Variants in NTMT2 observed in about 807,000 individuals in gnomAD.
NTMT2 encodes the protein N-terminal Xaa-Pro-Lys N-methyltransferase 2.
In NTMT2, 21 loss-of-function variants were observed where a neutral mutation model predicts 23.4. The ratio of observed to expected loss-of-function variants is 0.90; its 90% CI spans 0.64 to 1.29. NTMT2 has a LOEUF of 1.29. Ranked by LOEUF, NTMT2 falls within the 50% of genes most tolerant of loss-of-function variation. The pLI, the probability that NTMT2 is intolerant of heterozygous loss-of-function variation, is 0.00. For missense variants in NTMT2, 336 were observed against 352.0 expected (o/e 0.95, Z 0.36); for synonymous variants, 131 against 127.7 (o/e 1.03, Z -0.17).
chr1:170,157,046 T>A (rs1296788752), intron 1 of NTMT2, among the ~76,000 whole-genome samples: 1 of 152,142 alleles, frequency 6.6e-6, no homozygotes, highest in African/African-American at 2.4e-5. Flanking sequence ...AGCTGTGAGT[T>A]CCTAGCCTGA....
intron 1 of NTMT2, among the ~76,000 whole-genome samples, chr1:170,152,122 G>T (rs1246784368): frequency 6.6e-6 from 1 of 152,090 alleles, no homozygotes; most frequent in African/African-American, 2.4e-5. Flanking sequence ...GGCCCATCAA[G>T]AAGTTAGCAT....
chr1:170,162,373 A>G (rs901389959), intron 2 of NTMT2, among the ~76,000 whole-genome samples: 12 of 152,220 alleles, frequency 7.9e-5, no homozygotes, highest in African/African-American at 2.4e-4. Context: ...TTCAAATCCA[A>G]TCTTCCTGGA....
intron 1 of NTMT2, among the ~76,000 whole-genome samples, chr1:170,159,970 A>G (rs2102237969): frequency 6.6e-6 from 1 of 152,274 alleles, no homozygotes; most frequent in Admixed American, 6.5e-5. Context: ...TTATTATTTT[A>G]TTTTCACAAT....
At chr1:170,161,968 T>C (rs1315342392) in intron 2 of NTMT2, among the ~76,000 whole-genome samples, 3 of 152,114 alleles carry the variant, frequency 2.0e-5, no homozygotes, top group Admixed American at 6.5e-5. Context: ...TGCGCGCCTG[T>C]AGTCCCAGCT....
intron 2 of NTMT2, among the ~76,000 whole-genome samples, chr1:170,161,323 A>C (rs1381213278): frequency 1.3e-5 from 2 of 152,154 alleles, no homozygotes; most frequent in African/African-American, 4.8e-5. Flanking sequence ...TTAGAAGGAA[A>C]TACATGATTA....
chr1:170,166,002 T>G (rs918531694), intron 2 of NTMT2, among the ~76,000 whole-genome samples: 1 of 152,104 alleles, frequency 6.6e-6, no homozygotes, highest in Non-Finnish European at 1.5e-5. Context: ...TGGTAGTAGG[T>G]GCATGGCTAT....
At chr1:170,167,086 A>G (rs1398058420) in intron 3 of NTMT2, among the ~76,000 whole-genome samples, 1 of 152,222 alleles carries the variant, frequency 6.6e-6, no homozygotes, top group Non-Finnish European at 1.5e-5. Flanking sequence ...ATCCCCATTT[A>G]TTGGCAGAAC....
chr1:170,151,947 T>C (rs1413592496), intron 1 of NTMT2, among the ~76,000 whole-genome samples: 2 of 152,226 alleles, frequency 1.3e-5, no homozygotes, highest in Non-Finnish European at 2.9e-5. Flanking sequence ...TTTTAATTAT[T>C]TGAGTATGCC....
At chr1:170,160,789 A>G in intron 2 of NTMT2, 96 bp downstream of exon 2, 10 of 1,108,516 alleles carry the variant, frequency 9.0e-6, no homozygotes, top group Non-Finnish European at 9.8e-6. Context: ...CGACTAAGCC[A>G]TATGACCCAG....
chr1:170,152,461 T>C (rs1673088458), intron 1 of NTMT2, among the ~76,000 whole-genome samples: 1 of 152,132 alleles, frequency 6.6e-6, no homozygotes, highest in African/African-American at 2.4e-5. Context: ...AGAAAGTAGA[T>C]TGTCTTTCCC....
At chr1:170,166,318 T>C (rs1673384891) in intron 2 of NTMT2, among the ~76,000 whole-genome samples, 184 bp from the exon 3 acceptor site, 1 of 145,606 alleles carries the variant, frequency 6.9e-6, no homozygotes, top group Non-Finnish European at 1.5e-5. Flanking sequence ...TTTTTTTGTA[T>C]TTTTAGTAGA....
At chr1:170,157,348 A>C (rs1371819648) in intron 1 of NTMT2, among the ~76,000 whole-genome samples, 1 of 152,170 alleles carries the variant, frequency 6.6e-6, no homozygotes, top group Non-Finnish European at 1.5e-5. Context: ...TTAAAATAAC[A>C]ATCTATGTAT....
chr1:170,167,733 A>G lies in NTMT2; in HGVS notation c.828A>G (p.Ala276=), dbSNP rs1242878838. ...AGTGCATCCCCGTGTGGATGTTCGC[A>G]CTGCACAGCGACAGACACTCCTGAA... The part of the protein sequence containing the change: ...PEQCIPVWMF[A]LHSDRHS The change falls in exon 4 of 4, where the codon GCA becomes GCG. Residue 276 remains alanine, a synonymous_variant. Transcript: ENST00000439373. 1.3e-6 allele frequency: 2 copies of G among 1,551,226 alleles called. No homozygotes were observed. The highest frequency in any genetic ancestry group is 1.7e-4 in the Middle Eastern group (1 of 5,914).
Position 170,160,694 on chromosome 1 carries a change from G to A in NTMT2, c.330+1G>A. The A allele has an allele frequency of 6.5e-7, 1 of 1,528,752 alleles. No individual in the cohort carries two copies. The highest frequency in any genetic ancestry group is 8.8e-7 in the Non-Finnish European group (1 of 1,139,176). 94.7% of individuals were successfully genotyped at this position (1,528,752 alleles called of 1,614,324 possible). A position where few individuals can be genotyped will look rare whatever the true frequency, so the allele number is the denominator to read the frequency against. ...GAAATTTCTTAGGAAATTTGTTGGGGTGAGTTATTCAACTGCAGCTTGATG... is the reference window on the plus strand; with the variant it reads ...GAAATTTCTTAGGAAATTTGTTGGGATGAGTTATTCAACTGCAGCTTGATG... On this transcript the variant is annotated splice_donor_variant, in intron 2 of 3. Coordinates refer to ENST00000439373, the MANE Select transcript of NTMT2 (RefSeq NM_001136107.2). LOFTEE classifies it high-confidence loss of function.
chr1:170,147,234 A>G (rs1672980768), intron 1 of NTMT2, among the ~76,000 whole-genome samples: 1 of 152,230 alleles, frequency 6.6e-6, no homozygotes, highest in African/African-American at 2.4e-5. Context: ...AAACATACAA[A>G]TACCTTCATC....
At chr1:170,155,675 G>T (rs1052149065) in intron 1 of NTMT2, among the ~76,000 whole-genome samples, 3 of 151,930 alleles carry the variant, frequency 2.0e-5, no homozygotes, top group African/African-American at 7.3e-5. Flanking sequence ...CTGGAATAAA[G>T]AGGCATTTTA....
intron 2 of NTMT2, among the ~76,000 whole-genome samples, chr1:170,166,125 C>CTTTTTTTTTTTTTT (rs1420113193): frequency 8.9e-6 from 1 of 112,562 alleles, no homozygotes; most frequent in Non-Finnish European, 1.7e-5. Context: ...AATTTTCTTT[C>CTTTTTTTTTTTTTT]TTTTTTTTTT....
In NTMT2 at chr1:170,167,787, G is replaced by A; in HGVS notation, c.*30G>A. ...GCAGTGGGAATGAACGACTGGACTG[G>A]GCAGTGGTGCTTTGGGATGGGGTTG... On this transcript the variant is annotated 3_prime_UTR_variant, in exon 4 of 4. Transcript: ENST00000439373. The A allele has an allele frequency of 1.3e-6, 2 of 1,524,146 alleles. No homozygotes were observed. Among genetic ancestry groups the A allele is most frequent in the Non-Finnish European group, 1.8e-6 (2 of 1,131,628 alleles). The allele number at this position is 1,524,146 out of a possible 1,614,324, so 94.4% of individuals were successfully genotyped here.
chr1:170,162,140 G>C (rs531004174), intron 2 of NTMT2, among the ~76,000 whole-genome samples: 1 of 152,084 alleles, frequency 6.6e-6, no homozygotes, highest in Non-Finnish European at 1.5e-5. Flanking sequence ...AGCAACAACA[G>C]AAAAGACTTA....
Sources: allele counts gnomAD v4.1 joint callset (sites outside exome capture counted in the v4.1 genomes callset), GRCh38; gene constraint gnomAD v4.1.1; transcripts MANE v1.5; gene names NCBI Gene and HGNC (gene_info 2026-07-23, HGNC 2026-07-21).